The following SLCO4A1 variants were observed in gnomAD, a reference collection of about 807,000 sequenced individuals.
SLCO4A1 encodes colon organic anion transporter.
SLCO4A1 carries 51 observed loss-of-function variants against 64.6 expected under a neutral mutation model. The observed-to-expected ratio is 0.79, with a 90% confidence interval of 0.63 to 1.00. SLCO4A1 has a LOEUF of 1.00. Among genes scored for constraint, SLCO4A1 ranks in the 50% least tolerant of loss-of-function variants. The pLI, the probability that SLCO4A1 is intolerant of heterozygous loss-of-function variation, is 0.00. For synonymous variants in SLCO4A1, 471 were observed against 444.9 expected, an observed-to-expected ratio of 1.06 and a Z score of -0.74; for missense variants, 919 against 980.5, an observed-to-expected ratio of 0.94 and a Z score of 0.84.
At chr20:62,658,429 CT>C (rs1984151120) in intron 2 of SLCO4A1, among the ~76,000 whole-genome samples, 1 of 152,268 alleles carries the variant, frequency 6.6e-6, no homozygotes, top group Non-Finnish European at 1.5e-5. Flanking sequence ...CTTCGAGGGC[CT>C]TTGCCCTTTC....
intron 1 of SLCO4A1, among the ~76,000 whole-genome samples, chr20:62,654,718 G>T (rs567366691): frequency 6.6e-6 from 1 of 151,970 alleles, no homozygotes; most frequent in African/African-American, 2.4e-5. Flanking sequence ...CAGAAGCGCC[G>T]GGGTCCCTGT....
At chr20:62,669,229 CAT>C (rs1986902236) in intron 11 of SLCO4A1, 151 bp downstream of exon 11, 1 of 799,408 alleles carries the variant, frequency 1.3e-6, no homozygotes, top group African/African-American at 1.7e-5. Flanking sequence ...CCACATTCCT[CAT>C]GAGTTGGTTG....
intron 1 of SLCO4A1, chr20:62,650,751 T>A (rs1166723308): frequency 6.6e-6 from 1 of 152,226 alleles, no homozygotes; most frequent in Non-Finnish European, 1.5e-5. Flanking sequence ...CTGTCCACAT[T>A]GCTGGACTCG....
At position 62,644,239 on chromosome 20, in the gene SLCO4A1, G is replaced by A. The variant is rs938136600; in HGVS notation, c.-97+1686G>A. 2.0e-5 allele frequency among the ~76,000 whole-genome samples: 3 copies of A among 152,288 alleles called. No individual in the cohort carries two copies. Among genetic ancestry groups the A allele is most frequent in the Non-Finnish European group, 4.4e-5 (3 of 68,054 alleles). On this transcript the variant is annotated intron_variant, in intron 1 of 11. Transcript: ENST00000217159. This position sits in a 1 kb window ranked among gnomAD's most constrained non-coding sequence, Gnocchi z 5.4. ...CCAGGGCAGAGGCCGGCCACTCGGT[G>A]AGACCTGGACGCTGACCACAGCCAG...
intron 1 of SLCO4A1, chr20:62,642,957 G>C: frequency 2.1e-6 from 1 of 467,992 alleles, no homozygotes; most frequent in Non-Finnish European, 4.4e-6. Flanking sequence ...AGGCCCCACA[G>C]ATCCAGCTGG....
chr20:62,647,893 C>A (rs1981660771), intron 1 of SLCO4A1, among the ~76,000 whole-genome samples: 1 of 152,250 alleles, frequency 6.6e-6, no homozygotes, highest in Admixed American at 6.5e-5. Context: ...GGATTCGCCT[C>A]TAAAAGACCC....
In SLCO4A1 at chr20:62,683,070, C is replaced by T. The variant is rs148588046; in HGVS notation, n.212-2371C>T. On this transcript the variant is annotated intron_variant and non_coding_transcript_variant, in intron 2 of 2. Transcript: ENST00000466818. ...TCTTTGGGGAACACAAAAGATGAAC[C>T]ATAGGGAGCGATTACTCAGAACCAT... Among the ~76,000 whole-genome samples, 161 of 152,284 alleles carry T rather than the reference C, an allele frequency of 1.1e-3. 2 individuals are homozygous for T. In the East Asian group the frequency reaches 0.026, roughly 25 times the overall value.
chr20:62,663,242 G>A (rs1439318692), intron 5 of SLCO4A1: 1 of 152,236 alleles, frequency 6.6e-6, no homozygotes. Context: ...GGGCTGCACC[G>A]TCTGTTCCTG....
Position 62,661,102 on chromosome 20 carries a change from C to G in SLCO4A1, c.1048C>G (p.His350Asp). The change falls in exon 5 of 12, where the codon CAC (histidine) becomes GAC (aspartate). Residue 350 changes from histidine (H) to aspartate (D), a missense_variant. Physicochemically the swap from His to Asp is moderately conservative, Grantham distance 81. Coordinates refer to ENST00000217159, the MANE Select transcript of SLCO4A1 (RefSeq NM_016354.4). This position sits in a 1 kb window ranked among gnomAD's most constrained non-coding sequence, Gnocchi z 5.2. ...RYAVMRAAEM[H>D]QLKDSSRGEA... ...CGCGGTCATGAGAGCGGCGGAAATG[C>G]ACCAGTTGAAGGACAGCAGCCGTGG... The G allele has an allele frequency of 2.6e-6, 4 of 1,516,212 alleles. No individual in the cohort carries two copies. The highest frequency in any genetic ancestry group is 3.6e-6 in the Non-Finnish European group (4 of 1,118,340). The allele number at this position is 1,516,212 out of a possible 1,614,324, so 93.9% of individuals were successfully genotyped here.
chr20:62,653,608 G>A (rs908600110), intron 1 of SLCO4A1, among the ~76,000 whole-genome samples: 4 of 152,132 alleles, frequency 2.6e-5, no homozygotes, highest in African/African-American at 4.8e-5. Flanking sequence ...CACCCGCCAC[G>A]CTGACCTTAG....
intron 2 of SLCO4A1, among the ~76,000 whole-genome samples, chr20:62,680,094 A>G (rs1403899968): frequency 6.6e-6 from 1 of 152,232 alleles, no homozygotes; most frequent in Admixed American, 6.5e-5. Context: ...AGGAAGAGCC[A>G]TAGGACCCAC....
chr20:62,642,615 A>T (rs922011927), intron 1 of SLCO4A1, 62 bp downstream of exon 1: 1 of 164,594 alleles, frequency 6.1e-6, no homozygotes, highest in African/African-American at 2.5e-5. Flanking sequence ...CTGGCGTAGG[A>T]GCGCGGCAGG....
At chr20:62,686,917 G>A (rs1231877925), downstream of SLCO4A1, among the ~76,000 whole-genome samples, 1 of 150,964 alleles carries the variant, frequency 6.6e-6, no homozygotes. Context: ...AATGGGAAAG[G>A]CACCCCCAAA....
At chr20:62,675,835 A>T (rs548942462), downstream of SLCO4A1, among the ~76,000 whole-genome samples, 255 of 152,234 alleles carry the variant, frequency 1.7e-3, no homozygotes, top group African/African-American at 5.2e-3. Context: ...ACGTCCTGGG[A>T]GGAGCCCCTG....
At chr20:62,683,277 G>A (rs993305152) in intron 2 of SLCO4A1, among the ~76,000 whole-genome samples, 3 of 151,964 alleles carry the variant, frequency 2.0e-5, no homozygotes, top group East Asian at 1.9e-4. Flanking sequence ...CTTGGACCTC[G>A]GGCTCTCGGG....
chr20:62,675,313 C>G (rs913331749), downstream of SLCO4A1, among the ~76,000 whole-genome samples: 2 of 152,184 alleles, frequency 1.3e-5, no homozygotes, highest in African/African-American at 4.8e-5. Flanking sequence ...AGCCCAGATT[C>G]CCTTCCCAGG....
At chr20:62,656,276 A>T in intron 1 of SLCO4A1, 83 bp from the exon 2 acceptor site, 1 of 591,816 alleles carries the variant, frequency 1.7e-6, no homozygotes, top group South Asian at 2.5e-5. Context: ...CACCCCCGTG[A>T]TGGGTGTGCT....
At chr20:62,686,831 G>C (rs895157016), downstream of SLCO4A1, among the ~76,000 whole-genome samples, 1 of 152,000 alleles carries the variant, frequency 6.6e-6, no homozygotes, top group South Asian at 2.1e-4. Context: ...CAGATGAAAA[G>C]GGTGCCCCCG....
chr20:62,649,696 C>G (rs949386798), intron 1 of SLCO4A1: 1 of 152,344 alleles, frequency 6.6e-6, no homozygotes, highest in Non-Finnish European at 1.5e-5. Flanking sequence ...ATGGCTGTCC[C>G]ATCCCTGCCC....
Sources: allele counts gnomAD v4.1 joint callset (sites outside exome capture counted in the v4.1 genomes callset), GRCh38; gene constraint gnomAD v4.1.1; non-coding constraint Gnocchi (gnomAD v3.1); transcripts MANE v1.5; gene names NCBI Gene and HGNC (gene_info 2026-07-23, HGNC 2026-07-21).